Variants in PSTPIP2 observed in about 807,000 individuals in gnomAD.
PSTPIP2 encodes proline-serine-threonine phosphatase-interacting protein 2.
PSTPIP2 carries 33 observed loss-of-function variants against 63.3 expected under a neutral mutation model. That is an observed-to-expected ratio of 0.52 (90% CI 0.40 to 0.70). PSTPIP2 has a LOEUF of 0.70. Ranked by LOEUF, PSTPIP2 falls within the 30% of genes least tolerant of loss-of-function variation. The pLI, the probability that PSTPIP2 is intolerant of heterozygous loss-of-function variation, is 0.00. For missense variants in PSTPIP2, 312 were observed against 400.7 expected (o/e 0.78, Z 1.89); for synonymous variants, 125 against 132.7 (o/e 0.94, Z 0.40).
chr18:46,071,186 G>A (rs1909379159), intron 1 of PSTPIP2, among the ~76,000 whole-genome samples: 1 of 152,128 alleles, frequency 6.6e-6, no homozygotes, highest in Admixed American at 6.5e-5. Flanking sequence ...CCCACGTGGG[G>A]TAGAGGGACC....
intron 7 of PSTPIP2, 26 bp from the exon 8 acceptor site, chr18:45,998,865 A>C (rs902376828): frequency 3.1e-6 from 5 of 1,613,428 alleles, no homozygotes; most frequent in African/African-American, 1.3e-5. Context: ...AACAAACAAA[A>C]AAAGAGCAAG....
chr18:46,071,064 C>T (rs917727262), intron 1 of PSTPIP2, among the ~76,000 whole-genome samples: 21 of 152,276 alleles, frequency 1.4e-4, no homozygotes, highest in African/African-American at 5.1e-4. Context: ...CCACCCTGCA[C>T]CCTAGGGTGA....
chr18:45,988,585 T>C lies in PSTPIP2; in HGVS notation c.*8+117A>G, dbSNP rs1398193893. ...GGGACAGCATGCTGGCCAGTGTACC[T>C]GCCTCATGCAAGGCCTTGCTAGTTT... On this transcript the variant is annotated intron_variant, in intron 14 of 14. Transcript: ENST00000409746. 4 of 848,422 alleles carry C rather than the reference T, an allele frequency of 4.7e-6. No homozygotes were observed. The African/African-American group carries it at 6.8e-5, about 14-fold the overall frequency. 52.6% of individuals were successfully genotyped at this position (848,422 alleles called of 1,614,324 possible). A position where few individuals can be genotyped will look rare whatever the true frequency, so the allele number is the denominator to read the frequency against.
intron 2 of PSTPIP2, among the ~76,000 whole-genome samples, chr18:46,038,939 C>G (rs1908087133): frequency 6.6e-6 from 1 of 152,166 alleles, no homozygotes; most frequent in Non-Finnish European, 1.5e-5. Flanking sequence ...GAGTTTGAGA[C>G]CAGCCTGACC....
intron 2 of PSTPIP2, among the ~76,000 whole-genome samples, chr18:46,033,997 G>A (rs1030495687): frequency 1.3e-5 from 2 of 152,134 alleles, no homozygotes; most frequent in Non-Finnish European, 2.9e-5. Context: ...AACTAATATG[G>A]TACATAATGG....
intron 2 of PSTPIP2, chr18:46,029,792 G>A: frequency 5.9e-6 from 3 of 510,166 alleles, no homozygotes; most frequent in South Asian, 5.8e-5. Context: ...TTTTCTCTCA[G>A]AGGTGGATAC....
intron 5 of PSTPIP2, 94 bp downstream of exon 5, chr18:46,011,087 T>C (rs1386905494): frequency 2.0e-6 from 2 of 1,018,386 alleles, no homozygotes; most frequent in East Asian, 2.4e-5. Flanking sequence ...GATTACATGA[T>C]GGTGGGAGCT....
chr18:46,041,795 G>A (rs747663118), intron 1 of PSTPIP2, among the ~76,000 whole-genome samples: 1 of 152,124 alleles, frequency 6.6e-6, no homozygotes. Context: ...CTAAGAGGTT[G>A]GTTAGCTGGC....
At chr18:46,058,243 C>T (rs1450800787) in intron 1 of PSTPIP2, among the ~76,000 whole-genome samples, 1 of 151,960 alleles carries the variant, frequency 6.6e-6, no homozygotes, top group Admixed American at 6.6e-5. Context: ...GTAATTTACC[C>T]CTGGAGGTTG....
intron 10 of PSTPIP2, among the ~76,000 whole-genome samples, chr18:45,992,940 G>A (rs1302453376): frequency 6.6e-6 from 1 of 152,096 alleles, no homozygotes; most frequent in Non-Finnish European, 1.5e-5. Flanking sequence ...TGGCCAGACT[G>A]GTCTCGAACT....
At chr18:46,016,380 G>A (rs754259534) in intron 3 of PSTPIP2, among the ~76,000 whole-genome samples, 68 of 152,260 alleles carry the variant, frequency 4.5e-4, no homozygotes, top group Non-Finnish European at 8.4e-4. Context: ...AATAAATAAA[G>A]TATGGCAATT....
chr18:45,992,739 A>G (rs913053913), intron 10 of PSTPIP2, among the ~76,000 whole-genome samples: 1 of 149,772 alleles, frequency 6.7e-6, no homozygotes, highest in African/African-American at 2.5e-5. Flanking sequence ...TTTTTTTTAG[A>G]CAGAGTCTCG....
chr18:46,052,026 A>C (rs1304721568), intron 1 of PSTPIP2, among the ~76,000 whole-genome samples: 1 of 152,218 alleles, frequency 6.6e-6, no homozygotes, highest in Non-Finnish European at 1.5e-5. Flanking sequence ...AGGAGCGGGG[A>C]GGCAGGCAAC....
intron 14 of PSTPIP2, 26 bp downstream of exon 14, chr18:45,988,676 A>T (rs373748533): frequency 1.3e-6 from 2 of 1,518,276 alleles, no homozygotes; most frequent in Admixed American, 1.7e-5. Context: ...ACATGACTCA[A>T]TTATGTGAAA....
At chr18:46,015,983 T>C in intron 3 of PSTPIP2, 46 bp from the exon 4 acceptor site, 2 of 1,581,246 alleles carry the variant, frequency 1.3e-6, no homozygotes, top group Non-Finnish European at 1.7e-6. Context: ...GGAAATTCTC[T>C]GCACAATCTT....
intron 13 of PSTPIP2, 148 bp downstream of exon 13, chr18:45,990,574 C>A: frequency 1.7e-6 from 1 of 580,720 alleles, no homozygotes; most frequent in Non-Finnish European, 2.9e-6. Flanking sequence ...GGATTACAGG[C>A]ACGCACCACC....
chr18:46,035,453 A>T (rs2144106588), intron 2 of PSTPIP2, among the ~76,000 whole-genome samples: 1 of 151,406 alleles, frequency 6.6e-6, no homozygotes, highest in Admixed American at 6.6e-5. Flanking sequence ...AGAGAGAGAA[A>T]TAAAAGAAGA....
At chr18:46,020,021 T>C (rs1442323238) in intron 3 of PSTPIP2, among the ~76,000 whole-genome samples, 1 of 152,178 alleles carries the variant, frequency 6.6e-6, no homozygotes, top group East Asian at 1.9e-4. Flanking sequence ...GTTTAAAATT[T>C]TTCTCCCACC....
chr18:46,004,465 T>G (rs1422768601), intron 6 of PSTPIP2, among the ~76,000 whole-genome samples: 1 of 152,194 alleles, frequency 6.6e-6, no homozygotes, highest in Non-Finnish European at 1.5e-5. Flanking sequence ...TTAAATAAAT[T>G]ACTTAAAGGA....
Sources: allele counts gnomAD v4.1 joint callset (sites outside exome capture counted in the v4.1 genomes callset), GRCh38; gene constraint gnomAD v4.1.1; transcripts MANE v1.5; gene names NCBI Gene and HGNC (gene_info 2026-07-23, HGNC 2026-07-21).